PRKAR1B: variants seen among roughly 807,000 people sequenced by gnomAD.
The protein encoded by PRKAR1B is cAMP-dependent protein kinase type I-beta regulatory subunit.
In PRKAR1B, 22 loss-of-function variants were observed where a neutral mutation model predicts 46.5. The observed-to-expected ratio is 0.47, with a 90% CI of 0.34 to 0.68. The LOEUF is 0.68. Among genes scored for constraint, PRKAR1B ranks in the 30% least tolerant of loss-of-function variants. PRKAR1B has a pLI of 0.01. For synonymous variants in PRKAR1B, 259 were observed against 217.7 expected, an observed-to-expected ratio of 1.19 and a Z score of -1.67; for missense variants, 445 against 535.6, an observed-to-expected ratio of 0.83 and a Z score of 1.67.
intron 5 of PRKAR1B, 51 bp from the exon 6 acceptor site, chr7:606,290 A>C (rs779604192): frequency 1.6e-5 from 25 of 1,577,846 alleles, no homozygotes; most frequent in Non-Finnish European, 2.2e-5. Context: ...CAGACATACA[A>C]GTTACAGTTT....
chr7:564,175 C>T (rs529482766), intron 9 of PRKAR1B, among the ~76,000 whole-genome samples: 2 of 152,278 alleles, frequency 1.3e-5, no homozygotes, highest in South Asian at 2.1e-4. Context: ...CAGTGGGCCC[C>T]TCCGGGTCCA....
intron 4 of PRKAR1B, among the ~76,000 whole-genome samples, chr7:671,106 T>C (rs918481735): frequency 6.6e-6 from 1 of 152,170 alleles, no homozygotes; most frequent in African/African-American, 2.4e-5. Context: ...TCCTTCTTCC[T>C]CAGGTTGAGG....
chr7:632,910 A>G lies in PRKAR1B; in HGVS notation c.441-25458T>C, dbSNP rs574665168. Among the ~76,000 whole-genome samples, 12 of 152,320 alleles carry G rather than the reference A, an allele frequency of 7.9e-5. No individual in the cohort carries two copies. The South Asian group carries it at 2.5e-3, about 32-fold the overall frequency. On this transcript the variant is annotated intron_variant, in intron 4 of 10. Coordinates refer to ENST00000537384, the MANE Select transcript of PRKAR1B (RefSeq NM_001164760.2). ...CGTCAGCCCTCCTGAGCCTGGGGCC[A>G]CACAGTGCCTGTCCGGGAAGCAGAC...
chr7:633,840 T>TA (rs1344197171), intron 4 of PRKAR1B, among the ~76,000 whole-genome samples: 2 of 152,100 alleles, frequency 1.3e-5, no homozygotes, highest in Non-Finnish European at 2.9e-5. Flanking sequence ...AGGCTGTGTG[T>TA]AATCACGGGA....
At position 554,465 on chromosome 7, in the gene PRKAR1B, G is replaced by A. The variant is rs546892517; in HGVS notation, c.892-2995C>T. ...CCAGGCGATGAACCTGACGGCCTCT[G>A]GTTCACAGGATTACTTGGTGAAACC... On this transcript the variant is annotated intron_variant, in intron 9 of 10. Transcript: ENST00000537384. 1.9e-4 allele frequency among the ~76,000 whole-genome samples: 29 copies of A among 152,368 alleles called. No homozygotes were observed. The East Asian group carries it at 1.9e-3, about 10-fold the overall frequency.
intron 3 of PRKAR1B, 106 bp from the exon 4 acceptor site, chr7:677,426 G>C: frequency 1.1e-6 from 1 of 904,394 alleles, no homozygotes; most frequent in Non-Finnish European, 1.8e-6. Context: ...TCAGGCAATG[G>C]TACAAATATG....
At chr7:657,300 G>GATGGATGGATGGATGGATGA (rs1554299028) in intron 4 of PRKAR1B, among the ~76,000 whole-genome samples, 1 of 130,164 alleles carries the variant, frequency 7.7e-6, no homozygotes, top group Non-Finnish European at 1.6e-5. Context: ...TGGATGGATG[G>GATGGATGGATGGATGGATGA]ATGAATGAAT....
chr7:561,150 C>G (rs1175689026), intron 9 of PRKAR1B, among the ~76,000 whole-genome samples: 1 of 150,848 alleles, frequency 6.6e-6, no homozygotes, highest in Non-Finnish European at 1.5e-5. Flanking sequence ...CACACACACA[C>G]CTGTGCACAC....
intron 9 of PRKAR1B, among the ~76,000 whole-genome samples, chr7:551,898 CTCCAGAG>C: frequency 8.9e-6 from 1 of 112,664 alleles, no homozygotes; most frequent in Non-Finnish European, 1.8e-5. Flanking sequence ...CCAGGTCCTT[CTCCAGAG>C]CCACTGCCAC....
At chr7:655,151 C>A (rs1785130866) in intron 4 of PRKAR1B, among the ~76,000 whole-genome samples, 1 of 152,204 alleles carries the variant, frequency 6.6e-6, no homozygotes, top group African/African-American at 2.4e-5. Context: ...GCCAGACAGA[C>A]CCTGCTAAAT....
chr7:618,581 C>T (rs1421177782), intron 4 of PRKAR1B, among the ~76,000 whole-genome samples: 2 of 152,216 alleles, frequency 1.3e-5, no homozygotes, highest in African/African-American at 2.4e-5. Context: ...GATCTACCCA[C>T]GTCACCACAT....
At chr7:663,460 C>T (rs1367101116) in intron 4 of PRKAR1B, among the ~76,000 whole-genome samples, 1 of 152,198 alleles carries the variant, frequency 6.6e-6, no homozygotes, top group South Asian at 2.1e-4. Flanking sequence ...TGGTCTCAAA[C>T]TCCTGGGCTC....
At chr7:663,557 G>T (rs1453838629) in intron 4 of PRKAR1B, among the ~76,000 whole-genome samples, 3 of 150,304 alleles carry the variant, frequency 2.0e-5, no homozygotes, top group African/African-American at 4.9e-5. Context: ...TAAAATACTG[G>T]TCCCTACTAG....
Position 633,883 on chromosome 7 carries a change from GC to G in PRKAR1B, c.441-26432del, listed in dbSNP as rs1783897020. Among the ~76,000 whole-genome samples the G allele has an allele frequency of 4.6e-5, 7 of 152,288 alleles. 1 individual carries two copies. In the South Asian group the frequency reaches 1.5e-3, roughly 32 times the overall value. On this transcript the variant is annotated intron_variant, in intron 4 of 10. Transcript: ENST00000537384. ...AGACCCAAGACCTTGTAAACCACCT[GC>G]CTGGGCTCCTCAGGGATTTGGACCA...
chr7:625,103 G>A (rs1363246477), intron 4 of PRKAR1B, among the ~76,000 whole-genome samples: 2 of 152,150 alleles, frequency 1.3e-5, no homozygotes, highest in Non-Finnish European at 2.9e-5. Context: ...GTCAGTAACA[G>A]AAAGATAGAT....
chr7:691,386 A>T (rs150199465), intron 2 of PRKAR1B, among the ~76,000 whole-genome samples: 32 of 152,318 alleles, frequency 2.1e-4, no homozygotes, highest in African/African-American at 7.7e-4. Flanking sequence ...AAGCAGTGAG[A>T]TTCCAAATCC....
chr7:694,491 G>T (rs1779615790), intron 2 of PRKAR1B, among the ~76,000 whole-genome samples: 1 of 152,088 alleles, frequency 6.6e-6, no homozygotes. Context: ...AGGAGAGAAG[G>T]ATGTGGGGCC....
intron 9 of PRKAR1B, among the ~76,000 whole-genome samples, chr7:557,783 C>T (rs529801171): frequency 5.3e-5 from 8 of 152,298 alleles, no homozygotes; most frequent in East Asian, 3.9e-4. Flanking sequence ...GCAGCACAGA[C>T]GCTCTCAGGA....
At chr7:664,535 A>G (rs1785796836) in intron 4 of PRKAR1B, among the ~76,000 whole-genome samples, 1 of 152,208 alleles carries the variant, frequency 6.6e-6, no homozygotes, top group Non-Finnish European at 1.5e-5. Context: ...CTTGTCAGTG[A>G]CAACAAAACG....
Sources: gnomAD v4.1 joint callset for allele counts (sites outside exome capture counted in the v4.1 genomes callset) on GRCh38, gnomAD v4.1.1 for gene constraint, MANE v1.5 for transcripts, NCBI Gene and HGNC (gene_info 2026-07-23, HGNC 2026-07-21) for gene names.